P2RX1: variants seen among roughly 807,000 people sequenced by gnomAD.
P2RX1 encodes P2X purinoceptor 1.
Under a neutral mutation model 50.3 loss-of-function variants are expected in P2RX1, and 42 were observed. The observed-to-expected ratio is 0.83, with a 90% CI of 0.65 to 1.08. The LOEUF (loss-of-function observed/expected upper bound fraction) is 1.08. P2RX1 is among the 50% of genes least tolerant of loss of function. The probability of loss-of-function intolerance (pLI) is 0.00; values close to 1 mark genes in which losing one functional copy is unlikely to be tolerated. For missense variants in P2RX1, 449 were observed against 529.0 expected (o/e 0.85, Z 1.48); for synonymous variants, 199 against 202.6 (o/e 0.98, Z 0.15).
Position 3,903,402 on chromosome 17 carries a change from G to GC in P2RX1, c.606-60dup. ...TGTCATCCGGGAGGGTGCCCACCAC[G>GC]CCCCAAAGCCTGGGGACCCCTCACA... On this transcript the variant is annotated intron_variant, in intron 6 of 11. Coordinates refer to ENST00000225538, the MANE Select transcript of P2RX1 (RefSeq NM_002558.4). The surrounding 1 kb of genome is among the most constrained non-coding windows in gnomAD (Gnocchi z 4.6). 1 of 1,609,868 alleles carries GC rather than the reference G, an allele frequency of 6.2e-7. No homozygotes were observed. Among genetic ancestry groups the GC allele is most frequent in the Non-Finnish European group, 8.5e-7 (1 of 1,177,714 alleles).
chr17:3,905,147 G>T, intron 2 of P2RX1, 73 bp downstream of exon 2: 1 of 1,562,654 alleles, frequency 6.4e-7, no homozygotes. Context: ...GTCCCACAGG[G>T]ACGTGGGACA....
intron 7 of P2RX1, among the ~76,000 whole-genome samples, chr17:3,900,520 T>C (rs1271123596): frequency 6.6e-6 from 1 of 152,108 alleles, no homozygotes; most frequent in Non-Finnish European, 1.5e-5. Context: ...AGAAACTGTT[T>C]TGGGGTAGAG....
At position 3,897,589 on chromosome 17, in the gene P2RX1, G is replaced by T; in HGVS notation, c.*225C>A. ...CCCCAGCCATTCCCCACCAGGAGCG[G>T]CTGAGGCTAGGGTAGGGCTCCCTCA... is the stretch of plus-strand genomic sequence containing the variant. On this transcript the variant is annotated 3_prime_UTR_variant, in exon 12 of 12. Transcript: ENST00000225538. 1.7e-6 allele frequency: 1 copy of T among 595,692 alleles called. No individual in the cohort carries two copies. The highest frequency in any genetic ancestry group is 1.9e-5 in the South Asian group (1 of 52,230). 36.9% of individuals were successfully genotyped at this position (595,692 alleles called of 1,614,324 possible). A position where few individuals can be genotyped will look rare whatever the true frequency, so the allele number is the denominator to read the frequency against.
In P2RX1 at chr17:3,902,060, G is replaced by A. The variant is rs1458487930; in HGVS notation, c.747+1142C>T. Among the ~76,000 whole-genome samples, 3 of 152,210 alleles carry A rather than the reference G, an allele frequency of 2.0e-5. 1 individual carries two copies. Among genetic ancestry groups the A allele is most frequent in the Non-Finnish European group, 4.4e-5 (3 of 68,030 alleles). On this transcript the variant is annotated intron_variant, in intron 7 of 11. Coordinates refer to ENST00000225538, the MANE Select transcript of P2RX1 (RefSeq NM_002558.4). The stretch of plus-strand genomic sequence containing the variant: ...CTTCTTCGGAATCCCAGGTGACTGC[G>A]AGGATCCCAGGGCACAGGATTTCTC...
At chr17:3,906,569 C>T (rs1326790356) in intron 1 of P2RX1, among the ~76,000 whole-genome samples, 1 of 152,204 alleles carries the variant, frequency 6.6e-6, no homozygotes, top group African/African-American at 2.4e-5. Flanking sequence ...CCCTGGGAGA[C>T]AGCGAGGAAA....
Position 3,899,758 on chromosome 17 carries a change from C to G in P2RX1, c.751G>C (p.Gly251Arg). 6.2e-7 allele frequency: 1 copy of G among 1,613,522 alleles called. No individual in the cohort carries two copies. Among genetic ancestry groups the G allele is most frequent in the Non-Finnish European group, 8.5e-7 (1 of 1,179,624 alleles). The change falls in exon 8 of 12, where the codon GGA (glycine) becomes CGA (arginine). Residue 251 changes from glycine (G) to arginine (R), a missense_variant. Physicochemically the swap from Gly to Arg is moderately radical, Grantham distance 125. Transcript: ENST00000225538. ...CAGTCGATGGTGATGCCAACCACTC[C>G]ACCCTGCCAGGGACACAAGTAGTTA... ...QNFSTLAEKG[G>R]VVGITIDWHC... is the part of the protein sequence containing the mutation.
rs1326810940 is a variant in P2RX1, at chr17:3,904,415, G to T, written c.358-16C>A. The T allele has an allele frequency of 1.2e-6, 2 of 1,611,600 alleles. No homozygotes were observed. The highest frequency in any genetic ancestry group is 1.1e-5 in the South Asian group (1 of 90,630). ...CTTCTGGGTGCTGGGGGAGGCAAAA[G>T]CTGCTGGTCCCAGGCCCCTTGGGTG... On this transcript the variant is annotated splice_polypyrimidine_tract_variant and intron_variant, in intron 3 of 11. Coordinates refer to ENST00000225538, the MANE Select transcript of P2RX1 (RefSeq NM_002558.4).
Position 3,903,694 on chromosome 17 carries a change from A to C in P2RX1, c.525-63T>G, listed in dbSNP as rs1202682362. ...GAGGCCCCCTGTGTGTCCCACACAG[A>C]GCTTGGCACAGCAGGGGGTGGGCCG... On this transcript the variant is annotated intron_variant, in intron 5 of 11. Transcript: ENST00000225538. The surrounding 1 kb of genome is among the most constrained non-coding windows in gnomAD (Gnocchi z 4.6). 20 of 1,528,832 alleles carry C rather than the reference A, an allele frequency of 1.3e-5. No homozygotes were observed. Among genetic ancestry groups the C allele is most frequent in the Non-Finnish European group, 3.6e-6 (4 of 1,105,036 alleles). 94.7% of individuals were successfully genotyped at this position (1,528,832 alleles called of 1,614,324 possible).
chr17:3,901,098 T>C (rs77731800), intron 7 of P2RX1, among the ~76,000 whole-genome samples: 3 of 152,092 alleles, frequency 2.0e-5, no homozygotes, highest in East Asian at 1.9e-4. Flanking sequence ...GACGGAGTCT[T>C]GCTCTGTCAC....
chr17:3,899,596 C>G, intron 8 of P2RX1, 38 bp downstream of exon 8: 2 of 1,610,188 alleles, frequency 1.2e-6, no homozygotes, highest in Non-Finnish European at 1.7e-6. Context: ...CCCGCAGGAC[C>G]ACAAGGAAGA....
intron 1 of P2RX1, among the ~76,000 whole-genome samples, chr17:3,909,603 T>G (rs563507780): frequency 6.6e-6 from 1 of 152,162 alleles, no homozygotes; most frequent in African/African-American, 2.4e-5. Flanking sequence ...TTCTAGCACT[T>G]TGGGAGGCTG....
intron 2 of P2RX1, 79 bp downstream of exon 2, chr17:3,905,141 C>T: frequency 6.4e-7 from 1 of 1,567,360 alleles, no homozygotes; most frequent in Admixed American, 1.7e-5. Flanking sequence ...GGGCTGGTCC[C>T]ACAGGGACGT....
At chr17:3,898,798 A>T in intron 9 of P2RX1, 136 bp downstream of exon 9, 1 of 814,692 alleles carries the variant, frequency 1.2e-6, no homozygotes, top group East Asian at 2.4e-5. Flanking sequence ...ATGCCCCATG[A>T]CCATCTGTTA....
chr17:3,902,705 T>A (rs2056173596), intron 7 of P2RX1, among the ~76,000 whole-genome samples: 1 of 151,968 alleles, frequency 6.6e-6, no homozygotes. Flanking sequence ...CCTCCCGGGT[T>A]CAAGTGATTC....
chr17:3,909,970 C>CTT lies in P2RX1; in HGVS notation c.138-4605_138-4604dup, dbSNP rs751349796. 9.7e-3 allele frequency among the ~76,000 whole-genome samples: 1,036 copies of CTT among 107,322 alleles called. 4 individuals carry two copies. The highest frequency in any genetic ancestry group is 0.015 in the East Asian group (50 of 3,338). 70.4% of individuals were successfully genotyped at this position (107,322 alleles called of 152,430 possible). ...CAATGTGGTGATGTCCTGATAAATT[C>CTT]TTTTTTTTTTTTTTTTTTTTTTGAG... On this transcript the variant is annotated intron_variant, in intron 1 of 11. Transcript: ENST00000225538.
Position 3,899,472 on chromosome 17 carries a change from T to C in P2RX1, c.875+162A>G, listed in dbSNP as rs1056556391. Among the ~76,000 whole-genome samples, 5 of 151,768 alleles carry C rather than the reference T, an allele frequency of 3.3e-5. No individual in the cohort carries two copies. In the East Asian group the frequency reaches 7.9e-4, roughly 24 times the overall value. On this transcript the variant is annotated intron_variant, in intron 8 of 11. Transcript: ENST00000225538. ...CAGGGGATTTGAGACTTCAATATCT[T>C]TCTCCCTGCTGGCTTCCTGCATGGC...
In P2RX1 at chr17:3,901,068, T is replaced by A. The variant is rs564926379; in HGVS notation, c.748-1307A>T. On this transcript the variant is annotated intron_variant, in intron 7 of 11. Coordinates refer to ENST00000225538, the MANE Select transcript of P2RX1 (RefSeq NM_002558.4). ...TCCCAGTTGAAGATGGCAGGGAGAT[T>A]TTTTTTTTCTTTTTTGTGAGACGGA... is the stretch of plus-strand genomic sequence containing the variant. 6.0e-5 allele frequency among the ~76,000 whole-genome samples: 9 copies of A among 149,804 alleles called. No homozygotes were observed. The East Asian group carries it at 7.8e-4, about 13-fold the overall frequency.
chr17:3,904,551 T>TC, intron 3 of P2RX1, 152 bp from the exon 4 acceptor site: 2 of 727,610 alleles, frequency 2.7e-6, no homozygotes, highest in Non-Finnish European at 4.7e-6. Context: ...TTCCCCCATT[T>TC]CCCCCCACAC....
chr17:3,913,659 T>G (rs951663069), intron 1 of P2RX1, among the ~76,000 whole-genome samples: 1 of 152,190 alleles, frequency 6.6e-6, no homozygotes, highest in Non-Finnish European at 1.5e-5. Context: ...TTCGTCTGAG[T>G]TGTGCTCTGG....
Sources: allele counts gnomAD v4.1 joint callset (sites outside exome capture counted in the v4.1 genomes callset), GRCh38; gene constraint gnomAD v4.1.1; non-coding constraint Gnocchi (gnomAD v3.1); transcripts MANE v1.5; gene names NCBI Gene and HGNC (gene_info 2026-07-23, HGNC 2026-07-21).